The following ELAVL4 variants were observed in gnomAD, a reference collection of about 807,000 sequenced individuals.
ELAVL4 encodes ELAV like RNA binding protein 4.
ELAVL4 carries 1 observed loss-of-function variant against 35.6 expected under a neutral mutation model. That is an observed-to-expected ratio of 0.03 (90% CI 0.01 to 0.13). ELAVL4 has a LOEUF of 0.13. Among genes scored for constraint, ELAVL4 ranks in the 10% least tolerant of loss-of-function variants. The pLI is 1.00. For synonymous variants in ELAVL4, 156 were observed against 171.0 expected, an observed-to-expected ratio of 0.91 and a Z score of 0.69; for missense variants, 267 against 464.9, an observed-to-expected ratio of 0.57 and a Z score of 3.91.
chr1:50,180,940 T>G (rs1213114966), intron 3 of ELAVL4: 1 of 152,220 alleles, frequency 6.6e-6, no homozygotes, highest in East Asian at 1.9e-4. Context: ...TTTACATGCT[T>G]AATATCATTT....
At chr1:50,115,796 G>C (rs542686700) in intron 1 of ELAVL4, among the ~76,000 whole-genome samples, 5 of 152,254 alleles carry the variant, frequency 3.3e-5, no homozygotes, top group Admixed American at 1.3e-4. Flanking sequence ...GGGTGAAGAT[G>C]TATTTGTTGA....
chr1:50,079,968 AT>A (rs1360808532), intron 1 of ELAVL4, among the ~76,000 whole-genome samples: 1 of 152,108 alleles, frequency 6.6e-6, no homozygotes, highest in African/African-American at 2.4e-5. Flanking sequence ...AAACGTGCGT[AT>A]GCCATCCTAT....
chr1:50,059,474 T>C (rs188051904), intron 1 of ELAVL4, among the ~76,000 whole-genome samples: 117 of 152,078 alleles, frequency 7.7e-4, no homozygotes, highest in Non-Finnish European at 1.2e-3. Flanking sequence ...TCAGCGTCAT[T>C]AAAACCATAA....
intron 1 of ELAVL4, among the ~76,000 whole-genome samples, chr1:50,127,696 A>G (rs138820820): frequency 6.6e-6 from 1 of 152,248 alleles, no homozygotes; most frequent in East Asian, 1.9e-4. Context: ...AGCCTATAAC[A>G]TTATCCTATT....
chr1:50,077,514 G>A (rs190108194), intron 1 of ELAVL4, among the ~76,000 whole-genome samples: 18 of 152,218 alleles, frequency 1.2e-4, no homozygotes, highest in Middle Eastern at 3.4e-3. Flanking sequence ...ACTTTTTTCC[G>A]TCTAGGGAGG....
chr1:50,165,671 T>A lies in ELAVL4; in HGVS notation c.251-11418T>A, dbSNP rs550985348. Among the ~76,000 whole-genome samples the A allele has an allele frequency of 6.1e-5, 9 of 148,438 alleles. No individual in the cohort carries two copies. In the South Asian group the frequency reaches 1.9e-3, roughly 31 times the overall value. On this transcript the variant is annotated intron_variant, in intron 2 of 6. Coordinates refer to ENST00000371824, the MANE Select transcript of ELAVL4 (RefSeq NM_001144774.3). ...ATATATATGTGTGTATATATGTATA[T>A]GTGTGCATATACATATATACACACA...
At chr1:50,186,814 C>T (rs1681892707) in intron 3 of ELAVL4, among the ~76,000 whole-genome samples, 1 of 143,086 alleles carries the variant, frequency 7.0e-6, no homozygotes, top group African/African-American at 2.6e-5. Flanking sequence ...CTCATTAGAA[C>T]CATTTCCATG....
chr1:50,171,573 G>T (rs903858827), intron 2 of ELAVL4, among the ~76,000 whole-genome samples: 1 of 152,180 alleles, frequency 6.6e-6, no homozygotes, highest in Non-Finnish European at 1.5e-5. Flanking sequence ...AATTGTAGCT[G>T]CTATTAGTCC....
chr1:50,105,467 T>G (rs1284283823), upstream of ELAVL4, among the ~76,000 whole-genome samples: 1 of 152,204 alleles, frequency 6.6e-6, no homozygotes, highest in Admixed American at 6.5e-5. Flanking sequence ...GGAATTTTAT[T>G]TATTTATTTT....
chr1:50,100,904 T>C (rs1356382533), upstream of ELAVL4, among the ~76,000 whole-genome samples: 1 of 152,208 alleles, frequency 6.6e-6, no homozygotes, highest in Admixed American at 6.5e-5. Flanking sequence ...TGAATTATCC[T>C]GAAACTAATA....
chr1:50,058,782 T>A (rs1309714272), intron 1 of ELAVL4, among the ~76,000 whole-genome samples: 1 of 152,000 alleles, frequency 6.6e-6, no homozygotes, highest in Non-Finnish European at 1.5e-5. Context: ...CTTGTATTTT[T>A]TTTTAGAGAT....
intron 1 of ELAVL4, chr1:50,114,908 T>G (rs1667691470): frequency 6.6e-6 from 1 of 152,172 alleles, no homozygotes; most frequent in African/African-American, 2.4e-5. Flanking sequence ...GCCAGCTAGC[T>G]TGCTTTGGAT....
At chr1:50,072,386 A>G (rs953519189) in intron 1 of ELAVL4, among the ~76,000 whole-genome samples, 1 of 152,166 alleles carries the variant, frequency 6.6e-6, no homozygotes, top group African/African-American at 2.4e-5. Context: ...CTCTCTATGA[A>G]CGTGAACCCC....
At chr1:50,094,012 A>T (rs1168238062) in intron 1 of ELAVL4, among the ~76,000 whole-genome samples, 1 of 152,214 alleles carries the variant, frequency 6.6e-6, no homozygotes, top group South Asian at 2.1e-4. Flanking sequence ...ACATATAAAG[A>T]GCTAAGAGTA....
intron 1 of ELAVL4, among the ~76,000 whole-genome samples, chr1:50,064,506 C>A (rs1049245427): frequency 1.3e-5 from 2 of 152,136 alleles, no homozygotes; most frequent in African/African-American, 2.4e-5. Flanking sequence ...GCTATCAGTC[C>A]TGCCAACTTC....
chr1:50,177,763 G>T (rs1023649449), intron 3 of ELAVL4, among the ~76,000 whole-genome samples: 1 of 152,112 alleles, frequency 6.6e-6, no homozygotes, highest in African/African-American at 2.4e-5. Flanking sequence ...ATAAATAAAC[G>T]CACCAGTGTA....
rs547865550 is a variant in ELAVL4 at position 50,131,490 on chromosome 1, T to A, written c.10-13467T>A. On this transcript the variant is annotated intron_variant, in intron 1 of 6. Transcript: ENST00000371824. ...AAAATACATACAGTAGGAGTTTTTT[T>A]AAAAAAATAGAACAATGGGCCGAGT... Among the ~76,000 whole-genome samples the A allele has an allele frequency of 1.0e-3, 153 of 152,038 alleles. 1 individual carries two copies. The highest frequency in any genetic ancestry group is 3.5e-3 in the African/African-American group (146 of 41,488).
Position 50,177,128 on chromosome 1 carries a change from C to T in ELAVL4, c.290C>T (p.Pro97Leu). Reference protein sequence around the residue: ...LGYGFVNYIDPKDAEKAINTL... With the variant: ...LGYGFVNYIDLKDAEKAINTL... The stretch of plus-strand genomic sequence containing the variant: ...TATGGATTTGTTAACTATATTGATC[C>T]AAAGGATGCAGAGAAAGCCATCAAC... The change falls in exon 3 of 7, where the codon CCA (proline) becomes CTA (leucine). Residue 97 changes from proline (P) to leucine (L), a missense_variant. By Grantham distance (98) the Pro-to-Leu change is moderately conservative (BLOSUM62 -3). This residue lies in a region of ELAVL4 where 216 missense variants were observed against 409.5 expected (regional missense o/e 0.53). Coordinates refer to ENST00000371824, the MANE Select transcript of ELAVL4 (RefSeq NM_001144774.3). The T allele has an allele frequency of 6.2e-7, 1 of 1,613,790 alleles. No homozygotes were observed. Among genetic ancestry groups the T allele is most frequent in the Non-Finnish European group, 8.5e-7 (1 of 1,179,914 alleles).
chr1:50,074,207 C>T (rs965124439), intron 1 of ELAVL4, among the ~76,000 whole-genome samples: 1 of 152,122 alleles, frequency 6.6e-6, no homozygotes, highest in Non-Finnish European at 1.5e-5. Flanking sequence ...TTTATAGTTA[C>T]TTATATTTTT....
Sources: allele counts gnomAD v4.1 joint callset (sites outside exome capture counted in the v4.1 genomes callset), GRCh38; gene constraint gnomAD v4.1.1; regional missense constraint gnomAD v4.1.1; transcripts MANE v1.5; gene names NCBI Gene and HGNC (gene_info 2026-07-23, HGNC 2026-07-21).